The following SLC30A9 variants were observed in gnomAD, a reference collection of about 807,000 sequenced individuals.
SLC30A9 encodes the protein solute carrier family 30 member 9.
In SLC30A9, 58 loss-of-function variants were observed where a neutral mutation model predicts 87.5. The observed-to-expected ratio is 0.66, with a 90% CI of 0.54 to 0.82. The LOEUF is 0.82. Among genes scored for constraint, SLC30A9 ranks in the 40% least tolerant of loss-of-function variants. The probability of loss-of-function intolerance (pLI) is 0.00; values close to 1 mark genes in which losing one functional copy is unlikely to be tolerated. For missense variants in SLC30A9, 557 were observed against 679.1 expected (o/e 0.82, Z 2.00); for synonymous variants, 234 against 233.0 (o/e 1.00, Z -0.04).
rs1013051762 is a variant in SLC30A9, at chr4:42,078,144, T to C, written c.1549-68T>C. The C allele has an allele frequency of 7.1e-6, 5 of 706,276 alleles. No individual in the cohort carries two copies. In the African/African-American group the frequency reaches 9.3e-5, roughly 13 times the overall value. The allele number at this position is 706,276 out of a possible 1,614,324, so 43.8% of individuals were successfully genotyped here. A position where few individuals can be genotyped will look rare whatever the true frequency, so the allele number is the denominator to read the frequency against. On this transcript the variant is annotated intron_variant, in intron 16 of 17. Coordinates refer to ENST00000264451, the MANE Select transcript of SLC30A9 (RefSeq NM_006345.4). ...CGTTTGTTATAGGTTTGTTTTTTTTTAAGGAGTCATAAGTGTACCACTATG... is the reference window on the plus strand; with the variant it reads ...CGTTTGTTATAGGTTTGTTTTTTTTCAAGGAGTCATAAGTGTACCACTATG...
At chr4:41,995,636 A>G (rs1449507583) in intron 1 of SLC30A9, among the ~76,000 whole-genome samples, 1 of 152,236 alleles carries the variant, frequency 6.6e-6, no homozygotes, top group East Asian at 1.9e-4. Context: ...AAAATGAGCA[A>G]GCCACGTGAA....
chr4:42,010,320 T>C (rs1715384650), intron 2 of SLC30A9, among the ~76,000 whole-genome samples: 1 of 151,802 alleles, frequency 6.6e-6, no homozygotes, highest in Non-Finnish European at 1.5e-5. Context: ...CTACAAAAAA[T>C]AAAAGAATTA....
At chr4:41,995,480 C>G (rs573286232) in intron 1 of SLC30A9, among the ~76,000 whole-genome samples, 8 of 152,104 alleles carry the variant, frequency 5.3e-5, no homozygotes, top group Non-Finnish European at 8.8e-5. Flanking sequence ...CTTTCTTCCA[C>G]CAGAAATAAA....
Position 42,088,036 on chromosome 4 carries a change from A to G in SLC30A9, c.*1910A>G, listed in dbSNP as rs1465612547. On this transcript the variant is annotated 3_prime_UTR_variant, in exon 18 of 18. Transcript: ENST00000264451. ...CCTAATAAAAAAAAAAAAAATTCTG[A>G]TATTTCTTTTTAAATCTGATTTTGG... 1.3e-5 allele frequency: 2 copies of G among 150,330 alleles called. No individual in the cohort carries two copies. Among genetic ancestry groups the G allele is most frequent in the East Asian group, 1.9e-4 (1 of 5,168 alleles). 9.3% of individuals were successfully genotyped at this position (150,330 alleles called of 1,614,324 possible).
intron 2 of SLC30A9, among the ~76,000 whole-genome samples, chr4:42,009,563 G>A (rs1350354617): frequency 6.6e-6 from 1 of 152,240 alleles, no homozygotes; most frequent in Non-Finnish European, 1.5e-5. Flanking sequence ...TGGATAGAAT[G>A]TTTGGTTACT....
chr4:42,063,163 A>T, intron 11 of SLC30A9, 42 bp downstream of exon 11: 2 of 1,591,100 alleles, frequency 1.3e-6, no homozygotes, highest in Non-Finnish European at 1.7e-6. Flanking sequence ...GTCTTATGAC[A>T]TAGTGATTGT....
chr4:42,020,747 A>C, intron 4 of SLC30A9: 3 of 377,012 alleles, frequency 8.0e-6, no homozygotes, highest in East Asian at 4.7e-5. Flanking sequence ...TAAACCCACA[A>C]TGGTAAATTC....
intron 6 of SLC30A9, among the ~76,000 whole-genome samples, chr4:42,033,786 A>G (rs1416816231): frequency 6.6e-6 from 1 of 152,218 alleles, no homozygotes; most frequent in Non-Finnish European, 1.5e-5. Flanking sequence ...CATGTTAGCC[A>G]GGATGGTCTC....
chr4:41,997,455 G>T (rs928020722), intron 1 of SLC30A9, among the ~76,000 whole-genome samples: 1 of 151,434 alleles, frequency 6.6e-6, no homozygotes, highest in Non-Finnish European at 1.5e-5. Context: ...TTATTATTAT[G>T]GGCATTTTTT....
intron 1 of SLC30A9, among the ~76,000 whole-genome samples, chr4:41,998,583 C>T (rs1714839600): frequency 6.6e-6 from 1 of 152,060 alleles, no homozygotes; most frequent in Non-Finnish European, 1.5e-5. Context: ...CCTGCCTCAG[C>T]CTCCCGCATA....
At position 42,029,870 on chromosome 4, in the gene SLC30A9, A is replaced by AG. The variant is rs575455601; in HGVS notation, c.611-5404dup. On this transcript the variant is annotated intron_variant, in intron 6 of 17. Coordinates refer to ENST00000264451, the MANE Select transcript of SLC30A9 (RefSeq NM_006345.4). ...TTCAGTGCACTGGCTAGCAAGATGA[A>AG]GATAAGGATAAAAATAGAAATGTGG... is the stretch of plus-strand genomic sequence containing the variant. 3.2e-4 allele frequency: 230 copies of AG among 710,164 alleles called. 2 individuals are homozygous for AG. In the African/African-American group the frequency reaches 3.8e-3, roughly 12 times the overall value. 44.0% of individuals were successfully genotyped at this position (710,164 alleles called of 1,614,324 possible).
chr4:41,996,419 C>G (rs1228621255), intron 1 of SLC30A9, among the ~76,000 whole-genome samples: 2 of 151,838 alleles, frequency 1.3e-5, no homozygotes, highest in Non-Finnish European at 2.9e-5. Flanking sequence ...AAGCCATAGG[C>G]TTAGAAAAAG....
At chr4:42,005,045 A>G (rs1715144102) in intron 2 of SLC30A9, among the ~76,000 whole-genome samples, 1 of 152,094 alleles carries the variant, frequency 6.6e-6, no homozygotes, top group Admixed American at 6.6e-5. Context: ...ATTACATTAG[A>G]TACGTTAAAC....
intron 6 of SLC30A9, among the ~76,000 whole-genome samples, chr4:42,027,465 CT>C (rs71198701): frequency 3.0e-4 from 44 of 147,124 alleles, no homozygotes; most frequent in African/African-American, 6.0e-4. Flanking sequence ...TGTACATGAC[CT>C]TTTTTTTTTT....
At chr4:42,047,673 A>AT (rs1184566802) in intron 8 of SLC30A9, among the ~76,000 whole-genome samples, 1 of 152,246 alleles carries the variant, frequency 6.6e-6, no homozygotes, top group Non-Finnish European at 1.5e-5. Context: ...CAGTGTGGCG[A>AT]TTCCTCCAGG....
chr4:42,028,595 C>A (rs1427605520), intron 6 of SLC30A9, among the ~76,000 whole-genome samples: 1 of 152,214 alleles, frequency 6.6e-6, no homozygotes. Flanking sequence ...GCCTTTTCAT[C>A]AGTAGATACT....
Position 42,066,566 on chromosome 4 carries a change from T to C in SLC30A9, c.1089T>C (p.Ala363=). The C allele has an allele frequency of 6.2e-7, 1 of 1,603,976 alleles. No individual in the cohort carries two copies. Among genetic ancestry groups the C allele is most frequent in the Non-Finnish European group, 8.5e-7 (1 of 1,173,762 alleles). The change falls in exon 13 of 18, where the codon GCT becomes GCC. Residue 363 remains alanine, a synonymous_variant. Coordinates refer to ENST00000264451, the MANE Select transcript of SLC30A9 (RefSeq NM_006345.4). ...LVSEGATLLV[A]VNELRRNARA... Reference sequence around the variant, plus strand: ...TTCTTTTAGCAACACTTCTTGTTGCTGTAAATGAACTTCGTAGGAATGCTC... The same window carrying C: ...TTCTTTTAGCAACACTTCTTGTTGCCGTAAATGAACTTCGTAGGAATGCTC...
At chr4:42,034,885 A>T (rs530599381) in intron 6 of SLC30A9, among the ~76,000 whole-genome samples, 7 of 152,150 alleles carry the variant, frequency 4.6e-5, no homozygotes, top group Non-Finnish European at 4.4e-5. Flanking sequence ...ACCATTTTAC[A>T]TTCCTACCAT....
intron 1 of SLC30A9, among the ~76,000 whole-genome samples, chr4:41,997,350 T>C (rs538352882): frequency 6.6e-6 from 1 of 152,050 alleles, no homozygotes; most frequent in East Asian, 1.9e-4. Flanking sequence ...AATCTGTTAA[T>C]GGTAGACTAT....
Sources: allele counts gnomAD v4.1 joint callset (sites outside exome capture counted in the v4.1 genomes callset), GRCh38; gene constraint gnomAD v4.1.1; transcripts MANE v1.5; gene names NCBI Gene and HGNC (gene_info 2026-07-23, HGNC 2026-07-21).